ACER3: variants seen among roughly 807,000 people sequenced by gnomAD.
The protein encoded by ACER3 is alkaline ceramidase 3.
ACER3 carries 16 observed loss-of-function variants against 48.9 expected under a neutral mutation model. That is an observed-to-expected ratio of 0.33 (90% confidence interval 0.22 to 0.50). ACER3 has a LOEUF of 0.50. ACER3 is among the 20% of genes least tolerant of loss of function. The probability of loss-of-function intolerance (pLI) is 0.98; values close to 1 mark genes in which losing one functional copy is unlikely to be tolerated. For synonymous variants in ACER3, 109 were observed against 107.8 expected (o/e 1.01, Z -0.07); for missense variants, 227 against 326.0 (o/e 0.70, Z 2.34).
chr11:76,973,901 T>C (rs991068189), intron 3 of ACER3, among the ~76,000 whole-genome samples: 6 of 152,238 alleles, frequency 3.9e-5, no homozygotes, highest in Non-Finnish European at 7.3e-5. Context: ...TAATTATTTA[T>C]GTGGTATGAG....
At chr11:76,872,016 C>T (rs1270490190) in intron 1 of ACER3, among the ~76,000 whole-genome samples, 1 of 149,838 alleles carries the variant, frequency 6.7e-6, no homozygotes, top group Non-Finnish European at 1.5e-5. Flanking sequence ...GCATATCTGA[C>T]CCCTCTCCCC....
intron 9 of ACER3, among the ~76,000 whole-genome samples, chr11:77,017,973 G>A (rs573136802): frequency 8.4e-4 from 91 of 108,416 alleles, no homozygotes; most frequent in South Asian, 3.3e-3. Flanking sequence ...GGGAGACAGA[G>A]TCTCCCCCAA....
chr11:76,949,917 A>G (rs909348714), intron 2 of ACER3, among the ~76,000 whole-genome samples: 2 of 152,156 alleles, frequency 1.3e-5, no homozygotes, highest in African/African-American at 4.8e-5. Context: ...ACTCTCCCAC[A>G]TATACCCAAC....
chr11:77,006,840 G>A (rs535377086), intron 7 of ACER3, among the ~76,000 whole-genome samples: 9 of 151,980 alleles, frequency 5.9e-5, no homozygotes, highest in Admixed American at 5.2e-4. Context: ...TGTTTGAGCA[G>A]GGCTCATGCC....
chr11:77,010,940 T>G (rs3851191), intron 7 of ACER3, among the ~76,000 whole-genome samples: 108,151 of 152,152 alleles, frequency 0.71, 38,846 homozygotes, highest in Non-Finnish European at 0.77. Flanking sequence ...CAAAAAAACT[T>G]ACATCCCATT....
At chr11:76,971,539 A>G (rs1010378925) in intron 3 of ACER3, among the ~76,000 whole-genome samples, 15 of 151,844 alleles carry the variant, frequency 9.9e-5, no homozygotes, top group African/African-American at 3.6e-4. Context: ...CTCCATCTCA[A>G]AAAAAAAGAA....
intron 6 of ACER3, chr11:76,994,035 G>C (rs1948860732): frequency 2.6e-6 from 1 of 389,346 alleles, no homozygotes; most frequent in Non-Finnish European, 5.0e-6. Context: ...GGGATTTGTG[G>C]TAGTGTGCTG....
intron 1 of ACER3, among the ~76,000 whole-genome samples, chr11:76,878,004 A>G (rs1355518897): frequency 6.6e-6 from 1 of 151,830 alleles, no homozygotes; most frequent in Non-Finnish European, 1.5e-5. Flanking sequence ...TGATGGATGT[A>G]GATATAATTC....
intron 4 of ACER3, among the ~76,000 whole-genome samples, chr11:76,981,486 A>G (rs1340633121): frequency 1.3e-5 from 2 of 152,240 alleles, no homozygotes; most frequent in Admixed American, 1.3e-4. Context: ...CAAGAAAGAG[A>G]AACAGAACAT....
intron 7 of ACER3, among the ~76,000 whole-genome samples, chr11:77,009,346 C>T (rs1270048806): frequency 2.0e-5 from 3 of 152,186 alleles, no homozygotes; most frequent in Non-Finnish European, 4.4e-5. Flanking sequence ...CTTGAGAACT[C>T]ACTCACTACC....
intron 2 of ACER3, among the ~76,000 whole-genome samples, chr11:76,943,205 T>C (rs572827115): frequency 6.6e-6 from 1 of 152,208 alleles, no homozygotes; most frequent in East Asian, 1.9e-4. Flanking sequence ...CTGCTAACTT[T>C]GGGTTTGGTT....
At chr11:76,927,910 G>A (rs1414054479) in intron 2 of ACER3, among the ~76,000 whole-genome samples, 8 of 152,112 alleles carry the variant, frequency 5.3e-5, no homozygotes, top group South Asian at 2.1e-4. Context: ...GAATAGTGCC[G>A]CAATAAACAT....
intron 7 of ACER3, among the ~76,000 whole-genome samples, chr11:77,004,026 T>C (rs555814595): frequency 6.6e-6 from 1 of 152,354 alleles, no homozygotes; most frequent in Admixed American, 6.5e-5. Flanking sequence ...GAAAAGAATA[T>C]GTATTCTGCT....
chr11:76,991,596 A>C (rs1033035385), intron 6 of ACER3, among the ~76,000 whole-genome samples: 3 of 151,936 alleles, frequency 2.0e-5, no homozygotes, highest in African/African-American at 7.2e-5. Flanking sequence ...CGGGTGGATC[A>C]CTTGAGGTCA....
chr11:76,898,247 C>T (rs1430660188), intron 1 of ACER3, among the ~76,000 whole-genome samples: 1 of 152,186 alleles, frequency 6.6e-6, no homozygotes, highest in African/African-American at 2.4e-5. Context: ...ACCTCAAAGA[C>T]TCCAAAAAGG....
intron 2 of ACER3, among the ~76,000 whole-genome samples, chr11:76,958,028 T>C (rs1947887773): frequency 6.6e-6 from 1 of 151,622 alleles, no homozygotes; most frequent in South Asian, 2.1e-4. Context: ...ACTTCTGAGT[T>C]CAAGCGATCC....
intron 1 of ACER3, among the ~76,000 whole-genome samples, chr11:76,918,257 C>T (rs1946591253): frequency 1.3e-5 from 2 of 148,596 alleles, no homozygotes; most frequent in Admixed American, 1.3e-4. Flanking sequence ...ACTTGGTTTC[C>T]TGTTTTTTTT....
rs532592948 is a variant in ACER3 at position 76,956,988 on chromosome 11, G to GC, written c.215-1987dup. On this transcript the variant is annotated intron_variant, in intron 2 of 10. Coordinates refer to ENST00000532485, the MANE Select transcript of ACER3 (RefSeq NM_018367.7). ...GGCTTCATACAAATTATTTAATGAC[G>GC]CCCCTACTCACTACATTTGTTGGGC... Among the ~76,000 whole-genome samples the GC allele has an allele frequency of 1.5e-3, 227 of 151,930 alleles. 2 individuals are homozygous for GC. Among genetic ancestry groups the GC allele is most frequent in the African/African-American group, 5.2e-3 (216 of 41,438 alleles).
chr11:76,989,490 G>A (rs1403680367), intron 5 of ACER3, among the ~76,000 whole-genome samples: 1 of 152,114 alleles, frequency 6.6e-6, no homozygotes, highest in Non-Finnish European at 1.5e-5. Flanking sequence ...GCTGTATAGA[G>A]AAAGGATCAG....
Sources: gnomAD v4.1 joint callset for allele counts (sites outside exome capture counted in the v4.1 genomes callset) on GRCh38, gnomAD v4.1.1 for gene constraint, MANE v1.5 for transcripts, NCBI Gene and HGNC (gene_info 2026-07-23, HGNC 2026-07-21) for gene names.